HOTAIR: variants seen among roughly 807,000 people sequenced by gnomAD.
HOTAIR encodes the protein HOX transcript antisense RNA, also known as HOX transcript antisense RNA (non-protein coding).
At chr12:53,972,154 T>C (rs1266915310) in intron 1 of HOTAIR, among the ~76,000 whole-genome samples, 1 of 152,228 alleles carries the variant, frequency 6.6e-6, no homozygotes, top group Non-Finnish European at 1.5e-5. Context: ...ATATTCTTCC[T>C]GGACCCCTAC....
At chr12:53,963,158 C>T (rs543608618) in exon 7 of HOTAIR, 1 of 152,202 alleles carries the variant, frequency 6.6e-6, no homozygotes, top group African/African-American at 2.4e-5. Flanking sequence ...AAGGCTGGAC[C>T]TTTGCTTCTA....
At chr12:53,963,418 T>C (rs1359592266) in exon 7 of HOTAIR, 3 of 152,258 alleles carry the variant, frequency 2.0e-5, no homozygotes, top group African/African-American at 7.2e-5. Flanking sequence ...CCCATTTGGA[T>C]CTTTCCTTAG....
chr12:53,973,851 G>A lies in HOTAIR; in HGVS notation n.59+1047C>T, dbSNP rs770132458. On this transcript the variant is annotated intron_variant and non_coding_transcript_variant, in intron 1 of 6. Transcript: ENST00000424518. This position sits in a 1 kb window ranked among gnomAD's most constrained non-coding sequence, Gnocchi z 4.3. ...GGGTGCCGAGGCGGAGGCTGAGGAGGAGAACACAAATCCCAGCTCGTCCGG... is the reference window on the plus strand; with the variant it reads ...GGGTGCCGAGGCGGAGGCTGAGGAGAAGAACACAAATCCCAGCTCGTCCGG... 1 of 1,488,040 alleles carries A rather than the reference G, an allele frequency of 6.7e-7. No individual in the cohort carries two copies. Among genetic ancestry groups the A allele is most frequent in the South Asian group, 1.4e-5 (1 of 72,826 alleles). 92.2% of individuals were successfully genotyped at this position (1,488,040 alleles called of 1,614,324 possible). A position where few individuals can be genotyped will look rare whatever the true frequency, so the allele number is the denominator to read the frequency against.
intron 1 of HOTAIR, among the ~76,000 whole-genome samples, chr12:53,972,360 T>C (rs1175962845): frequency 1.3e-5 from 2 of 152,254 alleles, no homozygotes; most frequent in Admixed American, 6.5e-5. Context: ...CACTCTCTCA[T>C]ACTAAATATT....
chr12:53,965,268 G>A (rs1390070106), intron 5 of HOTAIR, among the ~76,000 whole-genome samples: 1 of 152,232 alleles, frequency 6.6e-6, no homozygotes, highest in African/African-American at 2.4e-5. Context: ...AGTTTCAGGA[G>A]CTGTGGGATC....
intron 2 of HOTAIR, among the ~76,000 whole-genome samples, chr12:53,967,783 C>T (rs1449656287): frequency 6.6e-6 from 1 of 152,154 alleles, no homozygotes; most frequent in African/African-American, 2.4e-5. Context: ...ATAGCCAGAC[C>T]TCACCCTACA....
At chr12:53,963,290 TA>T (rs1326250742) in exon 7 of HOTAIR, 1 of 152,216 alleles carries the variant, frequency 6.6e-6, no homozygotes, top group Non-Finnish European at 1.5e-5. Context: ...TCTACACAAG[TA>T]GCAGGGAAAG....
chr12:53,970,339 C>T (rs558221667), intron 1 of HOTAIR, among the ~76,000 whole-genome samples: 3 of 152,202 alleles, frequency 2.0e-5, no homozygotes, highest in Non-Finnish European at 4.4e-5. Context: ...CCAGAATCCA[C>T]AGGCTGAGAG....
Position 53,973,797 on chromosome 12 carries a change from G to A in HOTAIR, n.59+1101C>T, listed in dbSNP as rs1282824548. On this transcript the variant is annotated intron_variant and non_coding_transcript_variant, in intron 1 of 6. Transcript: ENST00000424518. This position sits in a 1 kb window ranked among gnomAD's most constrained non-coding sequence, Gnocchi z 4.3. ...CAAGGGGGAGCCCGAGGCACCCCCG[G>A]CCTCGGGACTGGCGTCCCGGGCTGA... 1.9e-6 allele frequency: 3 copies of A among 1,590,650 alleles called. No homozygotes were observed. The African/African-American group carries it at 4.1e-5, about 22-fold the overall frequency.
At chr12:53,968,545 G>A (rs1020509753) in intron 2 of HOTAIR, 1 of 152,332 alleles carries the variant, frequency 6.6e-6, no homozygotes, top group Non-Finnish European at 1.5e-5. Flanking sequence ...AGCAAAATGG[G>A]GGAGACTTGT....
At chr12:53,968,915 CTGTT>C (rs1280191782) in intron 1 of HOTAIR, 2 of 152,182 alleles carry the variant, frequency 1.3e-5, no homozygotes, top group African/African-American at 4.8e-5. Context: ...GATTGATTAG[CTGTT>C]TGTTCCCTTT....
intron 1 of HOTAIR, chr12:53,974,013 G>C (rs562649623): frequency 8.6e-7 from 1 of 1,159,622 alleles, no homozygotes; most frequent in South Asian, 1.7e-5. Context: ...GGGGAGCGGG[G>C]ACGGCCTCGT....
intron 1 of HOTAIR, among the ~76,000 whole-genome samples, chr12:53,970,129 C>T (rs1011290571): frequency 3.9e-5 from 6 of 152,262 alleles, no homozygotes; most frequent in Admixed American, 3.9e-4. Context: ...ATGGCGCTGA[C>T]TGAGGACACC....
At chr12:53,968,766 A>C (rs1158531660) in intron 1 of HOTAIR, 2 of 152,222 alleles carry the variant, frequency 1.3e-5, no homozygotes, top group Non-Finnish European at 2.9e-5. Flanking sequence ...GCTGGAACAG[A>C]TCCCAAACAA....
intron 2 of HOTAIR, among the ~76,000 whole-genome samples, chr12:53,967,784 T>C (rs1939081640): frequency 6.6e-6 from 1 of 152,134 alleles, no homozygotes; most frequent in Admixed American, 6.5e-5. Context: ...TAGCCAGACC[T>C]CACCCTACAA....
At chr12:53,968,616 C>T (rs1474540726) in intron 2 of HOTAIR, 1 of 152,324 alleles carries the variant, frequency 6.6e-6, no homozygotes, top group African/African-American at 2.4e-5. Flanking sequence ...ACAACACTCA[C>T]CCCACGGAGC....
intron 5 of HOTAIR, among the ~76,000 whole-genome samples, chr12:53,964,757 C>T (rs1042444674): frequency 6.6e-6 from 1 of 152,138 alleles, no homozygotes; most frequent in Admixed American, 6.5e-5. Context: ...TAGGGTCTCC[C>T]AACATCACCC....
Position 53,972,182 on chromosome 12 carries a change from C to T in HOTAIR, n.59+2716G>A, listed in dbSNP as rs150779588. Among the ~76,000 whole-genome samples the T allele has an allele frequency of 3.7e-3, 568 of 152,344 alleles. 4 individuals are homozygous for T. The highest frequency in any genetic ancestry group is 0.013 in the African/African-American group (527 of 41,568). On this transcript the variant is annotated intron_variant and non_coding_transcript_variant, in intron 1 of 6. Transcript: ENST00000424518. Reference sequence around the variant, plus strand: ...ACCCCTACACTAGGCTTCTTTTCAGCGCACTAGCTGAGGCTGAGCCACTAA... The same window carrying T: ...ACCCCTACACTAGGCTTCTTTTCAGTGCACTAGCTGAGGCTGAGCCACTAA...
At chr12:53,965,292 C>T (rs552550851) in intron 5 of HOTAIR, among the ~76,000 whole-genome samples, 1 of 152,054 alleles carries the variant, frequency 6.6e-6, no homozygotes, top group African/African-American at 2.4e-5. Flanking sequence ...TTTCCCCATG[C>T]CCCCCCAGCC....
Sources: allele counts gnomAD v4.1 joint callset (sites outside exome capture counted in the v4.1 genomes callset), GRCh38; gene constraint gnomAD v4.1.1; non-coding constraint Gnocchi (gnomAD v3.1); transcripts MANE v1.5; gene names NCBI Gene and HGNC (gene_info 2026-07-23, HGNC 2026-07-21).